Variants in CHD9 observed in about 807,000 individuals in gnomAD.
CHD9 encodes the protein ATP-dependent chromatin remodeler CHD9.
Under a neutral mutation model 316.1 loss-of-function variants are expected in CHD9, and 77 were observed. The ratio of observed to expected loss-of-function variants is 0.24; its 90% CI spans 0.20 to 0.29. The LOEUF is 0.29. Ranked by LOEUF, CHD9 falls within the 10% of genes least tolerant of loss-of-function variation. The pLI, the probability that CHD9 is intolerant of heterozygous loss-of-function variation, is 1.00. For synonymous variants in CHD9, 1,129 were observed against 1,158.3 expected, an observed-to-expected ratio of 0.97 and a Z score of 0.51; for missense variants, 2,763 against 3,438.1, an observed-to-expected ratio of 0.80 and a Z score of 4.91.
intron 2 of CHD9, among the ~76,000 whole-genome samples, chr16:53,198,352 C>T (rs2045126017): frequency 6.9e-6 from 1 of 145,162 alleles, no homozygotes; most frequent in African/African-American, 2.6e-5. Context: ...CAGAGTCTCG[C>T]TCTATCGCCA....
intron 32 of CHD9, among the ~76,000 whole-genome samples, chr16:53,306,840 C>G (rs532621616): frequency 1.3e-5 from 2 of 152,060 alleles, no homozygotes; most frequent in Non-Finnish European, 1.5e-5. Context: ...CTTACAGTGG[C>G]ACAATCTCAG....
At chr16:53,294,485 C>T (rs2054614121) in intron 29 of CHD9, among the ~76,000 whole-genome samples, 1 of 152,114 alleles carries the variant, frequency 6.6e-6, no homozygotes, top group Non-Finnish European at 1.5e-5. Context: ...TGTGAGTTGA[C>T]CCAGGTGCTG....
At chr16:53,307,394 T>C (rs2153087331) in intron 32 of CHD9, among the ~76,000 whole-genome samples, 1 of 152,144 alleles carries the variant, frequency 6.6e-6, no homozygotes, top group Non-Finnish European at 1.5e-5. Flanking sequence ...CTCAATCTCC[T>C]GGCTTCAAGC....
chr16:53,231,445 C>T lies in CHD9; in HGVS notation c.2313C>T (p.Asp771=), dbSNP rs372082697. ...ADMEEEPFNP[D]YVEVDRVLEV... ...TGGAAGAAGAACCATTTAACCCAGA[C>T]TACGTTGAAGTAGACAGAGTATTAG... is the stretch of plus-strand genomic sequence containing the variant. The change falls in exon 9 of 39, where the codon GAC becomes GAT. Residue 771 remains aspartate (D), a synonymous_variant. Transcript: ENST00000447540. The T allele has an allele frequency of 5.6e-6, 9 of 1,598,526 alleles. No homozygotes were observed. Among genetic ancestry groups the T allele is most frequent in the Non-Finnish European group, 7.7e-6 (9 of 1,167,634 alleles).
chr16:53,183,038 C>T (rs1597329898), intron 2 of CHD9, among the ~76,000 whole-genome samples: 1 of 152,176 alleles, frequency 6.6e-6, no homozygotes, highest in Non-Finnish European at 1.5e-5. Flanking sequence ...CTTCATAATA[C>T]TTTCTAAAAG....
intron 38 of CHD9, among the ~76,000 whole-genome samples, chr16:53,321,926 G>C (rs1418410730): frequency 6.6e-6 from 1 of 151,230 alleles, no homozygotes; most frequent in Admixed American, 6.6e-5. Flanking sequence ...TGATATACTA[G>C]TAAAAAATTG....
At chr16:53,122,458 T>C (rs986894774) in intron 1 of CHD9, among the ~76,000 whole-genome samples, 5 of 152,126 alleles carry the variant, frequency 3.3e-5, no homozygotes, top group Admixed American at 2.6e-4. Context: ...TCTTTTTGTC[T>C]CAACGTGTTC....
At chr16:53,103,050 T>C (rs2037026496) in intron 1 of CHD9, among the ~76,000 whole-genome samples, 1 of 151,822 alleles carries the variant, frequency 6.6e-6, no homozygotes, top group South Asian at 2.1e-4. Flanking sequence ...TTTCACCATG[T>C]TAGCCAGGAT....
intron 1 of CHD9, among the ~76,000 whole-genome samples, chr16:53,123,171 C>T (rs963173976): frequency 1.4e-5 from 2 of 143,896 alleles, no homozygotes; most frequent in Admixed American, 6.9e-5. Context: ...CCTGGAATCA[C>T]TTTTTTTTTT....
chr16:53,187,385 C>A (rs1408512709), intron 2 of CHD9, among the ~76,000 whole-genome samples: 1 of 152,056 alleles, frequency 6.6e-6, no homozygotes, highest in Non-Finnish European at 1.5e-5. Context: ...GTGACACACA[C>A]CTGTAGTCCT....
intron 1 of CHD9, among the ~76,000 whole-genome samples, chr16:53,109,677 C>CTTTTTTTTTTTTT (rs1166073629): frequency 1.4e-4 from 10 of 71,606 alleles, no homozygotes; most frequent in African/African-American, 3.5e-4. Flanking sequence ...TTCCCAGTTT[C>CTTTTTTTTTTTTT]TTTTTTTTTT....
Position 53,209,720 on chromosome 16 carries a change from A to T in CHD9, c.1691A>T (p.Glu564Val), listed in dbSNP as rs754914852. ...FPTASVEGKEEKKGRRMKSKP... is the reference protein window; with the variant it reads ...FPTASVEGKEVKKGRRMKSKP... ...ACTGCTTCAGTTGAAGGAAAAGAGG[A>T]AAAGAAAGGTAGAAGGATGAAATCC... Residue 564 changes from glutamate to valine, a missense_variant, in exon 3 of 39, where the codon GAA (glutamate) becomes GTA (valine). Transcript: ENST00000447540. 3 of 1,613,906 alleles carry T rather than the reference A, an allele frequency of 1.9e-6. No individual in the cohort carries two copies. In the Admixed American group the frequency reaches 5.0e-5, roughly 27 times the overall value.
intron 2 of CHD9, among the ~76,000 whole-genome samples, chr16:53,205,121 A>G (rs1451168401): frequency 6.6e-6 from 1 of 152,180 alleles, no homozygotes; most frequent in African/African-American, 2.4e-5. Context: ...GATTACAGGC[A>G]TGAGCCACCG....
At chr16:53,313,420 C>T (rs538592837) in intron 34 of CHD9, among the ~76,000 whole-genome samples, 1 of 152,170 alleles carries the variant, frequency 6.6e-6, no homozygotes, top group East Asian at 2.0e-4. Context: ...ATTCTTGTGC[C>T]TCAGCCTCCC....
chr16:53,215,414 G>A lies in CHD9; in HGVS notation c.1784+5601G>A, dbSNP rs529408523. ...AAGCTTATAATACAATGTAACTTTC[G>A]CATATTTAAGGATTACAGTTTTAAC... On this transcript the variant is annotated intron_variant, in intron 3 of 38. Coordinates refer to ENST00000447540, the MANE Select transcript of CHD9 (RefSeq NM_001308319.2). 2.6e-5 allele frequency among the ~76,000 whole-genome samples: 4 copies of A among 152,148 alleles called. No homozygotes were observed. The East Asian group carries it at 5.8e-4, about 22-fold the overall frequency.
rs549063029 is a variant in CHD9 at position 53,183,255 on chromosome 16, A to G, written c.1452+25714A>G. On this transcript the variant is annotated intron_variant, in intron 2 of 38. Coordinates refer to ENST00000447540, the MANE Select transcript of CHD9 (RefSeq NM_001308319.2). ...GTTTCTTTCCTTTTTTTAAGAAATA[A>G]ACATTATGGATAACCATTGAAAACC... Among the ~76,000 whole-genome samples the G allele has an allele frequency of 2.0e-5, 3 of 152,336 alleles. No homozygotes were observed. The South Asian group carries it at 6.2e-4, about 32-fold the overall frequency.
intron 1 of CHD9, among the ~76,000 whole-genome samples, chr16:53,055,541 A>G (rs1017865731): frequency 8.2e-5 from 12 of 147,006 alleles, no homozygotes; most frequent in Non-Finnish European, 1.5e-4. Flanking sequence ...GGGGGACTGG[A>G]CATCTGGGTA....
intron 1 of CHD9, among the ~76,000 whole-genome samples, chr16:53,146,049 G>T (rs1193719211): frequency 6.6e-6 from 1 of 151,696 alleles, no homozygotes; most frequent in African/African-American, 2.4e-5. Context: ...GATGGTGATT[G>T]CCAGGAGTAA....
At chr16:53,133,883 A>T (rs2039521377) in intron 1 of CHD9, among the ~76,000 whole-genome samples, 1 of 152,210 alleles carries the variant, frequency 6.6e-6, no homozygotes, top group South Asian at 2.1e-4. Context: ...GAGCTGAAGG[A>T]GGGGCTCGAT....
Sources: gnomAD v4.1 joint callset for allele counts (sites outside exome capture counted in the v4.1 genomes callset) on GRCh38, gnomAD v4.1.1 for gene constraint, MANE v1.5 for transcripts, NCBI Gene and HGNC (gene_info 2026-07-23, HGNC 2026-07-21) for gene names.